LGSN: variants seen among roughly 807,000 people sequenced by gnomAD.
The protein encoded by LGSN is lengsin.
LGSN carries 21 observed loss-of-function variants against 19.5 expected under a neutral mutation model. The observed-to-expected ratio is 1.07, with a 90% CI of 0.76 to 1.55. The LOEUF (loss-of-function observed/expected upper bound fraction) is 1.55. Among genes scored for constraint, LGSN ranks in the 40% most tolerant of loss-of-function variants. The probability of loss-of-function intolerance (pLI) is 0.00; values close to 1 mark genes in which losing one functional copy is unlikely to be tolerated. For synonymous variants in LGSN, 257 were observed against 215.6 expected, an observed-to-expected ratio of 1.19 and a Z score of -1.68; for missense variants, 673 against 608.5, an observed-to-expected ratio of 1.11 and a Z score of -1.12.
At chr6:63,422,512 C>G in the LGSN span, among the ~76,000 whole-genome samples, 1 of 151,950 alleles carries the variant, frequency 6.6e-6, no homozygotes, top group Non-Finnish European at 1.5e-5. Flanking sequence ...TTGCTATGAA[C>G]CTATAAATTA....
At chr6:63,572,304 C>A in the LGSN span, 5 of 216,000 alleles carry the variant, frequency 2.3e-5, no homozygotes, top group South Asian at 1.8e-4. Context: ...CGACTCGGCG[C>A]TTAGCCATTC....
At chr6:63,432,160 A>G in the LGSN span, among the ~76,000 whole-genome samples, 376 of 99,916 alleles carry the variant, frequency 3.8e-3, 10 homozygotes, top group East Asian at 0.017. Flanking sequence ...AAAGAAAGAA[A>G]GAAAGAAAGA....
the LGSN span, among the ~76,000 whole-genome samples, chr6:63,426,014 A>G: frequency 6.6e-6 from 1 of 152,154 alleles, no homozygotes; most frequent in East Asian, 1.9e-4. Flanking sequence ...AGGTAAATCT[A>G]AAATTACTCA....
the LGSN span, among the ~76,000 whole-genome samples, chr6:63,428,590 A>T: frequency 6.6e-6 from 1 of 152,116 alleles, no homozygotes; most frequent in Non-Finnish European, 1.5e-5. Context: ...ACCTCAAGTG[A>T]TCCACCCGCC....
the LGSN span, among the ~76,000 whole-genome samples, chr6:63,451,486 A>T: frequency 6.6e-6 from 1 of 152,238 alleles, no homozygotes; most frequent in Non-Finnish European, 1.5e-5. Flanking sequence ...AAACTAATGC[A>T]GGAACAGAAA....
intron 1 of LGSN, among the ~76,000 whole-genome samples, chr6:63,319,568 G>T (rs1321874334): frequency 1.3e-5 from 2 of 152,118 alleles, no homozygotes; most frequent in East Asian, 3.9e-4. Context: ...AGAGGCCAAA[G>T]CTTTGAGAAA....
the LGSN span, among the ~76,000 whole-genome samples, chr6:63,447,201 T>C: frequency 1.3e-5 from 2 of 152,348 alleles, no homozygotes; most frequent in African/African-American, 4.8e-5. Flanking sequence ...AGCCTTTCTG[T>C]TTTTATAAAC....
chr6:63,304,204 A>G (rs1346947325), intron 1 of LGSN, among the ~76,000 whole-genome samples: 1 of 152,212 alleles, frequency 6.6e-6, no homozygotes, highest in African/African-American at 2.4e-5. Flanking sequence ...GAAACAGAAC[A>G]TCAGTCCACT....
intron 1 of LGSN, among the ~76,000 whole-genome samples, chr6:63,309,289 G>C (rs865951574): frequency 1.3e-5 from 2 of 152,050 alleles, no homozygotes; most frequent in Non-Finnish European, 2.9e-5. Context: ...AAAATTAGCC[G>C]GGTGTGGTAG....
the LGSN span, among the ~76,000 whole-genome samples, chr6:63,412,567 A>AAAGGAAGG: frequency 2.8e-4 from 34 of 121,596 alleles, 1 homozygote; most frequent in African/African-American, 9.3e-4. Context: ...AGAAAGAAAG[A>AAAGGAAGG]AAGGAAGGAA....
chr6:63,569,589 T>C, the LGSN span, among the ~76,000 whole-genome samples: 1 of 152,240 alleles, frequency 6.6e-6, no homozygotes, highest in African/African-American at 2.4e-5. Context: ...AATATTCTTC[T>C]AGTCTTATTT....
chr6:63,418,303 C>A, the LGSN span, among the ~76,000 whole-genome samples: 1 of 152,152 alleles, frequency 6.6e-6, no homozygotes, highest in Admixed American at 6.5e-5. Flanking sequence ...TGGCTCACAC[C>A]TGTAATCCCA....
the LGSN span, among the ~76,000 whole-genome samples, chr6:63,547,795 G>C: frequency 6.6e-6 from 1 of 151,964 alleles, no homozygotes; most frequent in Non-Finnish European, 1.5e-5. Context: ...ACAGGCGTGA[G>C]CCACTGCGCC....
At chr6:63,417,744 G>C in the LGSN span, among the ~76,000 whole-genome samples, 10 of 152,034 alleles carry the variant, frequency 6.6e-5, no homozygotes, top group Non-Finnish European at 1.3e-4. Context: ...GGAGGGAGGA[G>C]GAAAATGCTG....
the LGSN span, among the ~76,000 whole-genome samples, chr6:63,465,026 C>A: frequency 2.1e-3 from 256 of 123,546 alleles, no homozygotes; most frequent in South Asian, 3.7e-3. Context: ...GATTCTGTCT[C>A]AAAAAAAAAA....
chr6:63,280,800 C>A lies in LGSN; in HGVS notation c.751G>T (p.Gly251Ter). 6.2e-7 allele frequency: 1 copy of A among 1,614,044 alleles called. No individual in the cohort carries two copies. Among genetic ancestry groups the A allele is most frequent in the Middle Eastern group, 1.6e-4 (1 of 6,062 alleles). ...QELVDGLYHT[G>*]ANVESFSSST... ...GAGGAAAAACTCTCGACATTGGCTC[C>A]AGTGTGATACAAGCCATCAACAAGT... Residue 251 changes from glycine to a stop codon, truncating the protein, a stop_gained, in exon 4 of 4, where the codon GGA (glycine) becomes TGA (stop). Transcript: ENST00000370657. LOFTEE classifies it low-confidence loss of function (END_TRUNC).
rs1420395813 is a variant in LGSN, at chr6:63,319,949, C to T, written c.-6G>A. 1.2e-6 allele frequency: 2 copies of T among 1,608,044 alleles called. No homozygotes were observed. Among genetic ancestry groups the T allele is most frequent in the African/African-American group, 1.3e-5 (1 of 74,776 alleles). Reference sequence around the variant, plus strand: ...AGGTCCTCTTCATTATTCATCTCAACACTTTTTAAGTTCAGCGTTAGAAAC... The same window carrying T: ...AGGTCCTCTTCATTATTCATCTCAATACTTTTTAAGTTCAGCGTTAGAAAC... On this transcript the variant is annotated 5_prime_UTR_variant, in exon 1 of 4. Coordinates refer to ENST00000370657, the MANE Select transcript of LGSN (RefSeq NM_016571.3).
the LGSN span, among the ~76,000 whole-genome samples, chr6:63,434,597 A>T: frequency 2.1e-5 from 3 of 145,722 alleles, no homozygotes; most frequent in Non-Finnish European, 4.5e-5. Context: ...TGTCTCTACT[A>T]AAAATTCAAA....
the LGSN span, among the ~76,000 whole-genome samples, chr6:63,462,728 A>G: frequency 6.6e-6 from 1 of 152,330 alleles, no homozygotes; most frequent in East Asian, 1.9e-4. Flanking sequence ...CACAAGGCCT[A>G]CCTCTACAGC....
Sources: gnomAD v4.1 joint callset for allele counts (sites outside exome capture counted in the v4.1 genomes callset) on GRCh38, gnomAD v4.1.1 for gene constraint, MANE v1.5 for transcripts, NCBI Gene and HGNC (gene_info 2026-07-23, HGNC 2026-07-21) for gene names.